Variants in EDA observed in about 807,000 individuals in gnomAD.
The protein encoded by EDA is ectodysplasin-A.
EDA carries 2 observed loss-of-function variants against 23.6 expected under a neutral mutation model. That is an observed-to-expected ratio of 0.08 (90% confidence interval 0.03 to 0.27). EDA has a LOEUF of 0.27. EDA is among the 10% of genes least tolerant of loss of function. EDA has a pLI of 1.00. For synonymous variants in EDA, 131 were observed against 132.0 expected (o/e 0.99, Z 0.05); for missense variants, 229 against 324.2 (o/e 0.71, Z 2.26).
intron 1 of EDA, among the ~76,000 whole-genome samples, chrX:69,773,143 T>C (rs1244116304): frequency 4.4e-5 from 5 of 112,464 alleles, no homozygotes. Flanking sequence ...GATAGACATT[T>C]CATATTAATG....
intron 1 of EDA, among the ~76,000 whole-genome samples, chrX:69,829,282 T>A (rs2016547076): frequency 8.9e-6 from 1 of 112,046 alleles, no homozygotes; most frequent in South Asian, 3.7e-4. Context: ...GGGTTTTTTT[T>A]ATGGTAAAGA....
chrX:70,003,409 A>G, intron 2 of EDA, among the ~76,000 whole-genome samples: 1 of 112,072 alleles, frequency 8.9e-6, no homozygotes, highest in Non-Finnish European at 1.9e-5. Context: ...TTGAGTGCCT[A>G]TATGTGCTAG....
intron 1 of EDA, among the ~76,000 whole-genome samples, chrX:69,839,243 A>G (rs1766698663): frequency 8.9e-6 from 1 of 111,890 alleles, no homozygotes; most frequent in Non-Finnish European, 1.9e-5. Flanking sequence ...CTTTGCTTCT[A>G]TTCACCATCT....
intron 1 of EDA, among the ~76,000 whole-genome samples, chrX:69,798,393 C>T (rs1240728829): frequency 9.0e-6 from 1 of 111,457 alleles, no homozygotes; most frequent in Non-Finnish European, 1.9e-5. Flanking sequence ...GGAACATTCT[C>T]CAGGATAGAC....
At chrX:69,790,325 GA>G (rs1003141560) in intron 1 of EDA, among the ~76,000 whole-genome samples, 1 of 110,347 alleles carries the variant, frequency 9.1e-6, no homozygotes, top group Admixed American at 9.7e-5. Context: ...TATGTCGGGA[GA>G]GGGGGCAGAG....
At chrX:69,827,246 T>C (rs1283091117) in intron 1 of EDA, among the ~76,000 whole-genome samples, 1 of 112,253 alleles carries the variant, frequency 8.9e-6, no homozygotes, top group Non-Finnish European at 1.9e-5. Flanking sequence ...AATGTTGGCC[T>C]GCCTTGCTAG....
At chrX:69,982,746 G>A in intron 2 of EDA, among the ~76,000 whole-genome samples, 2 of 98,658 alleles carry the variant, frequency 2.0e-5, no homozygotes, top group Non-Finnish European at 4.1e-5. Flanking sequence ...GATTTGGGGT[G>A]GAGAGTTCTG....
chrX:69,868,843 A>G, intron 1 of EDA, among the ~76,000 whole-genome samples: 1 of 112,307 alleles, frequency 8.9e-6, no homozygotes, highest in Admixed American at 9.4e-5. Flanking sequence ...AATTTGCTCG[A>G]GCAATGAAAC....
intron 1 of EDA, among the ~76,000 whole-genome samples, chrX:69,895,344 G>A (rs919059954): frequency 9.4e-6 from 1 of 106,441 alleles, no homozygotes; most frequent in Non-Finnish European, 1.9e-5. Context: ...TTTGTACGAT[G>A]CCATCCATCT....
At chrX:69,710,170 T>A (rs1054179008) in intron 1 of EDA, among the ~76,000 whole-genome samples, 5 of 110,576 alleles carry the variant, frequency 4.5e-5, no homozygotes, top group African/African-American at 1.6e-4. Flanking sequence ...AATTGATTTT[T>A]GTATAAGGTG....
At chrX:69,825,651 T>G (rs762121859) in intron 1 of EDA, among the ~76,000 whole-genome samples, 1,477 of 113,044 alleles carry the variant, frequency 0.013, 30 homozygotes, top group African/African-American at 0.046. Flanking sequence ...AAAACCCAGC[T>G]CCTGGATTCA....
At chrX:69,775,468 T>A (rs1446335961) in intron 1 of EDA, among the ~76,000 whole-genome samples, 2 of 111,861 alleles carry the variant, frequency 1.8e-5, no homozygotes, top group Non-Finnish European at 3.8e-5. Context: ...CTGAGGAGAA[T>A]AATATCCTTC....
chrX:70,030,171 A>T (rs2020178324), intron 5 of EDA, among the ~76,000 whole-genome samples: 1 of 111,907 alleles, frequency 8.9e-6, no homozygotes, highest in Non-Finnish European at 1.9e-5. Context: ...ACCTCATTTG[A>T]TCTTCAGACA....
intron 1 of EDA, among the ~76,000 whole-genome samples, chrX:69,658,530 A>T (rs1933391052): frequency 9.0e-6 from 1 of 110,807 alleles, no homozygotes. Context: ...TTAGACCTTT[A>T]TGCAGCCTTT....
chrX:69,962,548 CAG>C (rs1341141256), intron 2 of EDA, among the ~76,000 whole-genome samples: 2 of 111,653 alleles, frequency 1.8e-5, no homozygotes, highest in African/African-American at 6.5e-5. Context: ...TCTCCTGCCT[CAG>C]CCTCCCAAGT....
At chrX:69,696,827 G>C (rs769805935) in intron 1 of EDA, among the ~76,000 whole-genome samples, 1 of 112,182 alleles carries the variant, frequency 8.9e-6, no homozygotes, top group African/African-American at 3.2e-5. Context: ...TATACTGTTT[G>C]AAAACAAGAT....
chrX:69,799,295 T>C (rs777528677), intron 1 of EDA, among the ~76,000 whole-genome samples: 10 of 111,537 alleles, frequency 9.0e-5, no homozygotes, highest in African/African-American at 2.6e-4. Context: ...TTTTGAGTAA[T>C]GTCCCAGAAG....
chrX:69,908,043 A>G (rs1319148377), intron 1 of EDA, among the ~76,000 whole-genome samples: 1 of 111,687 alleles, frequency 9.0e-6, no homozygotes, highest in African/African-American at 3.2e-5. Context: ...GAAGGTTGGG[A>G]GTGATTTGCT....
intron 2 of EDA, among the ~76,000 whole-genome samples, chrX:70,021,423 G>A (rs1191940768): frequency 1.8e-5 from 2 of 111,739 alleles, no homozygotes; most frequent in African/African-American, 6.5e-5. Context: ...AGGCTGTGGT[G>A]GCTAGCTGGC....
Sources: allele counts gnomAD v4.1 joint callset (sites outside exome capture counted in the v4.1 genomes callset), GRCh38; gene constraint gnomAD v4.1.1; transcripts MANE v1.5; gene names NCBI Gene and HGNC (gene_info 2026-07-23, HGNC 2026-07-21).